Variants in TRPM3 observed in about 807,000 individuals in gnomAD.
The protein encoded by TRPM3 is long transient receptor potential channel 3.
Under a neutral mutation model 181.2 loss-of-function variants are expected in TRPM3, and 77 were observed. That is an observed-to-expected ratio of 0.42 (90% CI 0.35 to 0.51). The LOEUF (loss-of-function observed/expected upper bound fraction) is 0.51. Ranked by LOEUF, TRPM3 falls within the 20% of genes least tolerant of loss-of-function variation. The pLI, the probability that TRPM3 is intolerant of heterozygous loss-of-function variation, is 0.01. For missense variants in TRPM3, 1,759 were observed against 2,196.7 expected, an observed-to-expected ratio of 0.80 and a Z score of 3.98; for synonymous variants, 745 against 796.4, an observed-to-expected ratio of 0.94 and a Z score of 1.09.
At chr9:70,684,200 T>A (rs1299732457) in intron 8 of TRPM3, among the ~76,000 whole-genome samples, 1 of 152,232 alleles carries the variant, frequency 6.6e-6, no homozygotes, top group African/African-American at 2.4e-5. Flanking sequence ...GCAACACATT[T>A]AGGTTTGAGG....
intron 1 of TRPM3, among the ~76,000 whole-genome samples, chr9:71,174,134 A>G (rs994211871): frequency 6.6e-6 from 1 of 152,214 alleles, no homozygotes; most frequent in African/African-American, 2.4e-5. Context: ...ATAAAAAATC[A>G]TTAGGGGGAG....
intron 1 of TRPM3, among the ~76,000 whole-genome samples, chr9:71,268,046 T>C (rs1055409557): frequency 6.6e-6 from 1 of 152,178 alleles, no homozygotes; most frequent in African/African-American, 2.4e-5. Context: ...TGGGAAACCT[T>C]GAAATATTTT....
intron 6 of TRPM3, among the ~76,000 whole-genome samples, chr9:70,786,052 C>T (rs2083510958): frequency 6.6e-6 from 1 of 152,076 alleles, no homozygotes. Flanking sequence ...CCCAGGAGCC[C>T]TTAGTGACTC....
intron 1 of TRPM3, among the ~76,000 whole-genome samples, chr9:71,028,940 C>T (rs1280903999): frequency 1.3e-5 from 2 of 152,156 alleles, no homozygotes; most frequent in African/African-American, 4.8e-5. Flanking sequence ...TGATAGACAC[C>T]TACAGAACTC....
At position 70,536,402 on chromosome 9, in the gene TRPM3, G is replaced by A. The variant is rs778816778; in HGVS notation, c.4711C>T (p.Pro1571Ser). Residue 1571 changes from proline (P) to serine (S), a missense_variant, in exon 26 of 26, where the codon CCT (proline) becomes TCT (serine). By Grantham distance (74) the Pro-to-Ser change is moderately conservative. This residue lies in a region of TRPM3 where 612 missense variants were observed against 590.0 expected (regional missense o/e 1.04). Coordinates refer to ENST00000677713, the MANE Select transcript of TRPM3 (RefSeq NM_001366145.2). ...GCAGCTCTGTCCGCAATTGCTTGAG[G>A]GGCATTGACACACCTTGTGTCAATA... ...DCIDTRCVNA[P>S]QAIADRAAFP... 1 of 1,614,086 alleles carries A rather than the reference G, an allele frequency of 6.2e-7. No individual in the cohort carries two copies. Among genetic ancestry groups the A allele is most frequent in the Admixed American group, 1.7e-5 (1 of 60,016 alleles).
chr9:70,954,201 C>T (rs1157086215), intron 1 of TRPM3, among the ~76,000 whole-genome samples: 1 of 152,092 alleles, frequency 6.6e-6, no homozygotes, highest in East Asian at 1.9e-4. Context: ...AGACTATGAC[C>T]ACCTCTCTCC....
intron 1 of TRPM3, among the ~76,000 whole-genome samples, chr9:71,032,169 T>A (rs1339601393): frequency 5.7e-5 from 6 of 106,124 alleles, no homozygotes; most frequent in Admixed American, 1.4e-4. Flanking sequence ...ATATAATATA[T>A]TATATATACT....
intron 1 of TRPM3, among the ~76,000 whole-genome samples, chr9:71,005,413 A>T (rs749466127): frequency 2.0e-5 from 3 of 152,186 alleles, no homozygotes; most frequent in Non-Finnish European, 4.4e-5. Context: ...TGTCAAAAAA[A>T]AAAACCTCAT....
chr9:71,239,538 C>T (rs1037863282), intron 1 of TRPM3, among the ~76,000 whole-genome samples: 3 of 152,082 alleles, frequency 2.0e-5, no homozygotes, highest in Non-Finnish European at 4.4e-5. Flanking sequence ...ATAAACTTCA[C>T]TAAAAGTATT....
intron 1 of TRPM3, among the ~76,000 whole-genome samples, chr9:71,066,687 C>T (rs997738606): frequency 5.3e-5 from 8 of 152,206 alleles, no homozygotes; most frequent in Non-Finnish European, 7.3e-5. Flanking sequence ...TTACTGCTGA[C>T]TAGCACTGAA....
At chr9:71,117,018 G>C (rs1213749735) in intron 1 of TRPM3, among the ~76,000 whole-genome samples, 1 of 152,126 alleles carries the variant, frequency 6.6e-6, no homozygotes, top group African/African-American at 2.4e-5. Context: ...TTAATTCTTA[G>C]ATGCTGGGAC....
chr9:71,409,400 A>C (rs1297214372), intron 1 of TRPM3, among the ~76,000 whole-genome samples: 1 of 152,222 alleles, frequency 6.6e-6, no homozygotes, highest in Admixed American at 6.5e-5. Context: ...CTCAAAATAA[A>C]GGGATAGAGG....
rs538259945 is a variant in TRPM3 at position 71,274,930 on chromosome 9, A to G, written c.183+171723T>C. On this transcript the variant is annotated intron_variant, in intron 1 of 24. Coordinates refer to the TRPM3 transcript ENST00000357533. ...AGGTCAGATAAAGGGAGCCCTTCTA[A>G]TTCTCAACATTGAAATGCTTAATCC... 1.6e-4 allele frequency among the ~76,000 whole-genome samples: 24 copies of G among 152,324 alleles called. No individual in the cohort carries two copies. The South Asian group carries it at 5.0e-3, about 32-fold the overall frequency.
intron 1 of TRPM3, among the ~76,000 whole-genome samples, chr9:71,277,465 T>TG (rs2084308728): frequency 6.6e-6 from 1 of 152,250 alleles, no homozygotes; most frequent in Non-Finnish European, 1.5e-5. Context: ...TGAGTCATAC[T>TG]GAGGTAAAAG....
intron 1 of TRPM3, among the ~76,000 whole-genome samples, chr9:71,339,287 G>A (rs1188892810): frequency 6.6e-6 from 1 of 152,058 alleles, no homozygotes; most frequent in Non-Finnish European, 1.5e-5. Flanking sequence ...AACTTAATGT[G>A]ATCACAATAA....
chr9:70,740,918 A>AAG (rs1375652867), intron 8 of TRPM3, among the ~76,000 whole-genome samples: 7 of 152,192 alleles, frequency 4.6e-5, no homozygotes, highest in African/African-American at 1.7e-4. Flanking sequence ...AGACTTCACG[A>AAG]CAAGAACACG....
intron 1 of TRPM3, among the ~76,000 whole-genome samples, chr9:71,324,422 T>C (rs1450058835): frequency 6.6e-6 from 1 of 151,890 alleles, no homozygotes; most frequent in Non-Finnish European, 1.5e-5. Flanking sequence ...AGATACCATA[T>C]TTTCCTAGTC....
intron 1 of TRPM3, among the ~76,000 whole-genome samples, chr9:70,918,139 A>G (rs1296805758): frequency 6.6e-6 from 1 of 152,234 alleles, no homozygotes; most frequent in Non-Finnish European, 1.5e-5. Flanking sequence ...AATGATTATT[A>G]GAGCTAAGGA....
chr9:71,245,500 A>C (rs11142752), intron 1 of TRPM3, among the ~76,000 whole-genome samples: 5,149 of 152,086 alleles, frequency 0.034, 132 homozygotes, highest in Middle Eastern at 0.065. Context: ...TTAGATATTT[A>C]GAGCGGCAAT....
Sources: allele counts gnomAD v4.1 joint callset (sites outside exome capture counted in the v4.1 genomes callset), GRCh38; gene constraint gnomAD v4.1.1; regional missense constraint gnomAD v4.1.1; transcripts MANE v1.5; gene names NCBI Gene and HGNC (gene_info 2026-07-23, HGNC 2026-07-21).